Variants in LRTM1 observed in about 807,000 individuals in gnomAD.
The protein encoded by LRTM1 is leucine-rich repeat and transmembrane domain-containing protein 1.
In LRTM1, 38 loss-of-function variants were observed where a neutral mutation model predicts 32.4. That is an observed-to-expected ratio of 1.17 (90% CI 0.91 to 1.54). The LOEUF (loss-of-function observed/expected upper bound fraction) is 1.54. Ranked by LOEUF, LRTM1 falls within the 40% of genes most tolerant of loss-of-function variation. The pLI is 0.00. For synonymous variants in LRTM1, 186 were observed against 169.9 expected, an observed-to-expected ratio of 1.09 and a Z score of -0.74; for missense variants, 466 against 415.4, an observed-to-expected ratio of 1.12 and a Z score of -1.06.
chr3:54,944,317 G>A lies in LRTM1; in HGVS notation c.-221-19102C>T, dbSNP rs373845154. Among the ~76,000 whole-genome samples, 117 of 151,710 alleles carry A rather than the reference G, an allele frequency of 7.7e-4. 2 individuals carry two copies. The highest frequency in any genetic ancestry group is 7.1e-3 in the South Asian group (34 of 4,810). ...GTCTTTTTGTTTTATTATCTGCCACGTTTTCTTTTCCCAACATATATCTTT... is the reference window on the plus strand; with the variant it reads ...GTCTTTTTGTTTTATTATCTGCCACATTTTCTTTTCCCAACATATATCTTT... On this transcript the variant is annotated intron_variant, in intron 1 of 2. Coordinates refer to the LRTM1 transcript ENST00000493075.
chr3:54,939,690 T>A (rs1025578804), intron 1 of LRTM1, among the ~76,000 whole-genome samples: 5 of 152,184 alleles, frequency 3.3e-5, no homozygotes, highest in African/African-American at 1.2e-4. Context: ...CATGGCTGTT[T>A]CCCTATTCAG....
chr3:54,943,523 C>G (rs1349416045), intron 1 of LRTM1, among the ~76,000 whole-genome samples: 1 of 152,148 alleles, frequency 6.6e-6, no homozygotes, highest in Non-Finnish European at 1.5e-5. Context: ...TTAGGACAAT[C>G]TATGTACATT....
At chr3:54,953,711 C>T (rs968126801) in intron 1 of LRTM1, among the ~76,000 whole-genome samples, 1 of 152,214 alleles carries the variant, frequency 6.6e-6, no homozygotes, top group African/African-American at 2.4e-5. Flanking sequence ...TCCCCCTTGC[C>T]TGTGAACGCT....
intron 1 of LRTM1, among the ~76,000 whole-genome samples, chr3:54,961,656 C>T (rs1702031879): frequency 6.6e-6 from 1 of 152,056 alleles, no homozygotes; most frequent in South Asian, 2.1e-4. Flanking sequence ...GGGCAGGTGG[C>T]CTGATTGATG....
chr3:54,945,239 G>A (rs1055727354), intron 1 of LRTM1, among the ~76,000 whole-genome samples: 1 of 152,220 alleles, frequency 6.6e-6, no homozygotes, highest in Non-Finnish European at 1.5e-5. Context: ...TCTGTGGCAT[G>A]TGCAGCAGAA....
intron 1 of LRTM1, among the ~76,000 whole-genome samples, chr3:54,937,315 G>T (rs1213178710): frequency 6.6e-6 from 1 of 152,160 alleles, no homozygotes; most frequent in African/African-American, 2.4e-5. Flanking sequence ...GGCCACTACA[G>T]TGTAGAAAGG....
intron 1 of LRTM1, among the ~76,000 whole-genome samples, chr3:54,949,215 G>A (rs975279087): frequency 6.6e-6 from 1 of 152,138 alleles, no homozygotes; most frequent in Admixed American, 6.5e-5. Context: ...TTTGGCACAG[G>A]AGCATAGGAT....
chr3:54,958,178 A>G (rs1051652108), intron 1 of LRTM1, among the ~76,000 whole-genome samples: 1 of 152,246 alleles, frequency 6.6e-6, no homozygotes, highest in Non-Finnish European at 1.5e-5. Context: ...AATGTCAAAT[A>G]TTGATAAATG....
At chr3:54,941,241 G>C (rs1384883842) in intron 1 of LRTM1, among the ~76,000 whole-genome samples, 1 of 152,144 alleles carries the variant, frequency 6.6e-6, no homozygotes, top group Non-Finnish European at 1.5e-5. Flanking sequence ...TAAAAAAACA[G>C]GGGCATATAG....
intron 1 of LRTM1, among the ~76,000 whole-genome samples, chr3:54,942,001 G>T (rs1276351522): frequency 6.6e-6 from 1 of 152,222 alleles, no homozygotes; most frequent in Non-Finnish European, 1.5e-5. Flanking sequence ...TCCATCCAGA[G>T]ATCATCACAA....
chr3:54,926,505 TACACACACACAC>T (rs36205023), intron 1 of LRTM1, among the ~76,000 whole-genome samples: 4,427 of 143,318 alleles, frequency 0.031, 156 homozygotes, highest in African/African-American at 0.085. Flanking sequence ...GCCTGTCAAA[TACACACACACAC>T]ACACACACAC....
chr3:54,946,790 AC>A (rs1701625078), intron 1 of LRTM1, among the ~76,000 whole-genome samples: 1 of 151,122 alleles, frequency 6.6e-6, no homozygotes, highest in Non-Finnish European at 1.5e-5. Flanking sequence ...GGTAAGACAT[AC>A]AACTTTGGAA....
Position 54,918,744 on chromosome 3 carries a change from G to T in LRTM1, c.753C>A (p.His251Gln). 6.2e-7 allele frequency: 1 copy of T among 1,614,154 alleles called. No homozygotes were observed. The highest frequency in any genetic ancestry group is 8.5e-7 in the Non-Finnish European group (1 of 1,180,026). The change falls in exon 3 of 3, where the codon CAC (histidine) becomes CAA (glutamine). Residue 251 changes from histidine to glutamine, a missense_variant. His to Gln is a conservative substitution (Grantham distance 24, BLOSUM62 0). Coordinates refer to ENST00000273286, the MANE Select transcript of LRTM1 (RefSeq NM_020678.4). ...TCTCAGGAGGCCTCAGGACCACACC[G>T]TGGGCAGAGCCGGGCCACTGAGCCT... Reference protein sequence around the residue: ...SSQAQWPGSAHGVVLRPPENH... With the variant: ...SSQAQWPGSAQGVVLRPPENH...
intron 1 of LRTM1, among the ~76,000 whole-genome samples, chr3:54,951,634 G>A (rs745510295): frequency 1.8e-4 from 27 of 151,854 alleles, no homozygotes; most frequent in Admixed American, 7.9e-4. Context: ...TGAGTCAGGC[G>A]TGCAGGGCTC....
At chr3:54,930,845 C>A (rs534018866), upstream of LRTM1, among the ~76,000 whole-genome samples, 2 of 152,256 alleles carry the variant, frequency 1.3e-5, no homozygotes, top group South Asian at 4.1e-4. Flanking sequence ...CCTGTAATCC[C>A]AATATACTTT....
upstream of LRTM1, among the ~76,000 whole-genome samples, chr3:54,930,452 G>A (rs191257576): frequency 6.6e-6 from 1 of 152,090 alleles, no homozygotes; most frequent in Non-Finnish European, 1.5e-5. Flanking sequence ...ACCTCTTTAG[G>A]TTATAGTGGA....
chr3:54,959,436 G>A (rs966369682), intron 1 of LRTM1, among the ~76,000 whole-genome samples: 4 of 152,186 alleles, frequency 2.6e-5, no homozygotes, highest in African/African-American at 7.2e-5. Flanking sequence ...GACTGCCCAC[G>A]TGGAGATTTT....
In LRTM1 at chr3:54,918,326, TTTTTTC is replaced by T. The variant is rs1367150174; in HGVS notation, c.*127_*132del. ...AATATTTTTTACAGACACATCTTTTTTTTTTCTTTTTTTTTTTTTTTTTTTTTTTGT... is the reference window on the plus strand; with the variant it reads ...AATATTTTTTACAGACACATCTTTTTTTTTTTTTTTTTTTTTTTTTTTTGT... On this transcript the variant is annotated 3_prime_UTR_variant, in exon 3 of 3. Transcript: ENST00000273286. The T allele has an allele frequency of 3.7e-5, 15 of 402,300 alleles. No homozygotes were observed. The African/African-American group carries it at 3.9e-4, about 10-fold the overall frequency. The allele number at this position is 402,300 out of a possible 1,614,324, so 24.9% of individuals were successfully genotyped here.
At chr3:54,928,293 T>C (rs1466499212), upstream of LRTM1, among the ~76,000 whole-genome samples, 3 of 152,164 alleles carry the variant, frequency 2.0e-5, no homozygotes, top group Non-Finnish European at 4.4e-5. Flanking sequence ...TGCCTCGGCC[T>C]TTTTGATTAT....
Sources: allele counts gnomAD v4.1 joint callset (sites outside exome capture counted in the v4.1 genomes callset), GRCh38; gene constraint gnomAD v4.1.1; transcripts MANE v1.5; gene names NCBI Gene and HGNC (gene_info 2026-07-23, HGNC 2026-07-21).